ATP8A2: variants seen among roughly 807,000 people sequenced by gnomAD.
ATP8A2 encodes the protein ATPase phospholipid transporting 8A2, also known as phospholipid-transporting ATPase IB.
In ATP8A2, 100 loss-of-function variants were observed where a neutral mutation model predicts 165.6. The ratio of observed to expected loss-of-function variants is 0.60; its 90% CI spans 0.51 to 0.71. ATP8A2 has a LOEUF of 0.71. Ranked by LOEUF, ATP8A2 falls within the 30% of genes least tolerant of loss-of-function variation. ATP8A2 has a pLI of 0.00. For missense variants in ATP8A2, 1,227 were observed against 1,479.5 expected (o/e 0.83, Z 2.80); for synonymous variants, 543 against 548.8 (o/e 0.99, Z 0.15).
At chr13:25,607,511 G>GT (rs113496524) in intron 24 of ATP8A2, among the ~76,000 whole-genome samples, 2,688 of 152,220 alleles carry the variant, frequency 0.018, 90 homozygotes, top group African/African-American at 0.06. Flanking sequence ...TCAAAAAATC[G>GT]TAAGTTAAAC....
intron 27 of ATP8A2, among the ~76,000 whole-genome samples, chr13:25,799,006 A>G (rs781248822): frequency 6.6e-6 from 1 of 152,060 alleles, no homozygotes; most frequent in Non-Finnish European, 1.5e-5. Context: ...AAAAAAATTG[A>G]CAGAACAAAT....
At chr13:26,011,987 T>C (rs1246712774) in intron 35 of ATP8A2, among the ~76,000 whole-genome samples, 2 of 152,160 alleles carry the variant, frequency 1.3e-5, no homozygotes, top group African/African-American at 4.8e-5. Flanking sequence ...GTTCCACATG[T>C]CTTCACAGCA....
intron 33 of ATP8A2, among the ~76,000 whole-genome samples, chr13:25,960,649 A>G (rs1324909723): frequency 6.6e-6 from 1 of 151,898 alleles, no homozygotes; most frequent in Non-Finnish European, 1.5e-5. Flanking sequence ...TTGCTCATTC[A>G]AAACCAAAAT....
chr13:25,610,485 T>C (rs2040654858), intron 24 of ATP8A2, among the ~76,000 whole-genome samples: 1 of 152,158 alleles, frequency 6.6e-6, no homozygotes. Flanking sequence ...TGCCTATTTT[T>C]ATATCAGTAC....
chr13:25,629,577 G>A (rs1179575525), intron 24 of ATP8A2, among the ~76,000 whole-genome samples: 2 of 152,094 alleles, frequency 1.3e-5, no homozygotes, highest in African/African-American at 4.8e-5. Flanking sequence ...ATTTGCGTTA[G>A]GTGAGATGGT....
At chr13:25,500,622 G>T (rs1448752510) in intron 2 of ATP8A2, among the ~76,000 whole-genome samples, 1 of 152,090 alleles carries the variant, frequency 6.6e-6, no homozygotes, top group East Asian at 1.9e-4. Flanking sequence ...GTCTCACTCT[G>T]TTGCCCAGTC....
intron 24 of ATP8A2, among the ~76,000 whole-genome samples, chr13:25,638,337 G>T (rs1296765459): frequency 1.3e-5 from 2 of 152,142 alleles, no homozygotes; most frequent in South Asian, 2.1e-4. Flanking sequence ...TGAACCCATC[G>T]CACAGAAGCT....
chr13:25,474,476 G>C (rs2035937208), intron 2 of ATP8A2, among the ~76,000 whole-genome samples: 1 of 151,628 alleles, frequency 6.6e-6, no homozygotes, highest in Admixed American at 6.6e-5. Flanking sequence ...GCAGGAGAAT[G>C]GTGTGAACCT....
intron 33 of ATP8A2, among the ~76,000 whole-genome samples, chr13:25,919,042 T>C (rs752091619): frequency 6.6e-6 from 1 of 152,208 alleles, no homozygotes; most frequent in African/African-American, 2.4e-5. Context: ...AAACCATAGA[T>C]AATGAATTCT....
intron 33 of ATP8A2, among the ~76,000 whole-genome samples, chr13:25,898,297 AC>A (rs1413328617): frequency 2.6e-5 from 4 of 152,170 alleles, no homozygotes; most frequent in Non-Finnish European, 5.9e-5. Context: ...TCCACTCCAG[AC>A]CCTGTTTGCC....
At chr13:25,830,010 A>AT (rs1260599733) in intron 28 of ATP8A2, among the ~76,000 whole-genome samples, 10,711 of 138,836 alleles carry the variant, frequency 0.077, 420 homozygotes, top group African/African-American at 0.093. Flanking sequence ...AGTTTTTGCA[A>AT]TTTTTTTTTT....
At chr13:25,833,553 A>G (rs1951530842) in intron 28 of ATP8A2, among the ~76,000 whole-genome samples, 1 of 152,170 alleles carries the variant, frequency 6.6e-6, no homozygotes, top group Admixed American at 6.5e-5. Context: ...TCAGATGTGT[A>G]ATACATGAAA....
chr13:25,541,665 G>C, intron 8 of ATP8A2, among the ~76,000 whole-genome samples: 1 of 152,178 alleles, frequency 6.6e-6, no homozygotes, highest in East Asian at 1.9e-4. Context: ...CTTATGCACG[G>C]ATGTTTCTAG....
At chr13:25,521,780 G>T (rs528869763) in intron 2 of ATP8A2, among the ~76,000 whole-genome samples, 1 of 152,172 alleles carries the variant, frequency 6.6e-6, no homozygotes, top group Non-Finnish European at 1.5e-5. Context: ...TTCAAGTGGT[G>T]CTCCCACCTT....
chr13:26,022,932 TAC>T lies in ATP8A2; in HGVS notation c.*2949_*2950del, dbSNP rs1169228448. ...GGCCAACCCTTGGTCTACTGCTGTG[TAC>T]AGACAGCCCAGTCCTGTGTTGAGTC... On this transcript the variant is annotated 3_prime_UTR_variant, in exon 37 of 37. Transcript: ENST00000381655. 2.0e-5 allele frequency: 3 copies of T among 152,266 alleles called. No individual in the cohort carries two copies. Among genetic ancestry groups the T allele is most frequent in the Non-Finnish European group, 4.4e-5 (3 of 68,084 alleles). 9.4% of individuals were successfully genotyped at this position (152,266 alleles called of 1,614,324 possible).
chr13:25,996,894 G>A (rs2139308375), intron 35 of ATP8A2, among the ~76,000 whole-genome samples: 1 of 152,366 alleles, frequency 6.6e-6, no homozygotes, highest in East Asian at 1.9e-4. Context: ...ACATTAGCCA[G>A]GCTGGTCTCG....
chr13:25,578,696 A>T, intron 20 of ATP8A2, 119 bp from the exon 21 acceptor site: 1 of 713,490 alleles, frequency 1.4e-6, no homozygotes, highest in Non-Finnish European at 2.5e-6. Context: ...CTAAATTCCT[A>T]CTTACCCACT....
chr13:25,906,615 CTCT>C (rs1032565894), intron 33 of ATP8A2, among the ~76,000 whole-genome samples: 58 of 152,160 alleles, frequency 3.8e-4, no homozygotes, highest in African/African-American at 1.2e-3. Context: ...TCCTTTCTTT[CTCT>C]TCTTGTTCTT....
intron 27 of ATP8A2, among the ~76,000 whole-genome samples, chr13:25,793,609 C>A (rs1448991520): frequency 3.9e-5 from 6 of 152,038 alleles, no homozygotes; most frequent in Admixed American, 1.3e-4. Context: ...TACACAAGTA[C>A]ATACATACAA....
Sources: allele counts gnomAD v4.1 joint callset (sites outside exome capture counted in the v4.1 genomes callset), GRCh38; gene constraint gnomAD v4.1.1; transcripts MANE v1.5; gene names NCBI Gene and HGNC (gene_info 2026-07-23, HGNC 2026-07-21).